Variants in CRHR2 observed in about 807,000 individuals in gnomAD.
CRHR2 encodes corticotropin releasing hormone receptor 2.
Under a neutral mutation model 57.9 loss-of-function variants are expected in CRHR2, and 53 were observed. That is an observed-to-expected ratio of 0.92 (90% CI 0.73 to 1.15). The LOEUF (loss-of-function observed/expected upper bound fraction) is 1.15, where lower values mean the gene tolerates loss of function less well. CRHR2 is among the 50% of genes most tolerant of loss of function. The pLI is 0.00. For synonymous variants in CRHR2, 213 were observed against 220.9 expected (o/e 0.96, Z 0.32); for missense variants, 532 against 542.6 (o/e 0.98, Z 0.19).
chr7:30,680,818 TTGTGTGTGTG>T lies in CRHR2; in HGVS notation c.229+1087_229+1096del, dbSNP rs60568949. 4.6e-4 allele frequency among the ~76,000 whole-genome samples: 67 copies of T among 145,462 alleles called. No homozygotes were observed. The East Asian group carries it at 7.7e-3, about 17-fold the overall frequency. On this transcript the variant is annotated intron_variant, in intron 2 of 11. Coordinates refer to ENST00000471646, the MANE Select transcript of CRHR2 (RefSeq NM_001883.5). The stretch of plus-strand genomic sequence containing the variant: ...GCCCTCAGCCTCAGCTTCTGAAAGC[TTGTGTGTGTG>T]TGTGTGTGTGTGTGTGTGTGTGTGT...
chr7:30,655,482 G>C, intron 10 of CRHR2, 98 bp downstream of exon 10: 1 of 1,413,170 alleles, frequency 7.1e-7, no homozygotes, highest in Non-Finnish European at 9.6e-7. Flanking sequence ...TGAGCCATGG[G>C]TGTGCCAGTC....
chr7:30,658,147 T>C (rs1783861329), intron 8 of CRHR2, among the ~76,000 whole-genome samples: 2 of 152,112 alleles, frequency 1.3e-5, no homozygotes, highest in Non-Finnish European at 2.9e-5. Context: ...CCACCACAGG[T>C]ACCTTCCTCT....
intron 1 of CRHR2, among the ~76,000 whole-genome samples, chr7:30,690,644 A>G (rs541690130): frequency 4.6e-5 from 7 of 152,084 alleles, no homozygotes; most frequent in Non-Finnish European, 1.0e-4. Flanking sequence ...CACGTTCTCC[A>G]CATTGGGCTC....
intron 8 of CRHR2, among the ~76,000 whole-genome samples, chr7:30,659,748 G>A (rs1310212894): frequency 6.6e-6 from 1 of 152,258 alleles, no homozygotes; most frequent in Non-Finnish European, 1.5e-5. Flanking sequence ...CTCCAAGGTA[G>A]ACAAAAGAAA....
chr7:30,657,244 G>A (rs1043875641), intron 8 of CRHR2, among the ~76,000 whole-genome samples: 7 of 152,308 alleles, frequency 4.6e-5, no homozygotes, highest in South Asian at 4.1e-4. Flanking sequence ...CTGTCAACCT[G>A]TAGCCTCTGG....
rs1176252761 is a variant in CRHR2, at chr7:30,653,268, A to G, written c.*192T>C. 2 of 715,204 alleles carry G rather than the reference A, an allele frequency of 2.8e-6. No homozygotes were observed. The highest frequency in any genetic ancestry group is 4.5e-6 in the Non-Finnish European group (2 of 441,400). The allele number at this position is 715,204 out of a possible 1,614,324, so 44.3% of individuals were successfully genotyped here. On this transcript the variant is annotated 3_prime_UTR_variant, in exon 12 of 12. Coordinates refer to ENST00000471646, the MANE Select transcript of CRHR2 (RefSeq NM_001883.5). This position sits in a 1 kb window ranked among gnomAD's most constrained non-coding sequence, Gnocchi z 5.0. The stretch of plus-strand genomic sequence containing the variant: ...ATTCCCTCTGCTTCCTCTTGCGCTG[A>G]GCCTGGTGGCCCCCACTCATCCCTG...
At chr7:30,662,259 G>A (rs2128141730) in intron 6 of CRHR2, 43 bp from the exon 7 acceptor site, 1 of 1,606,878 alleles carries the variant, frequency 6.2e-7, no homozygotes, top group East Asian at 2.2e-5. Context: ...CAGATGGACA[G>A]GGACTTTCTT....
chr7:30,662,789 C>G lies in CRHR2; in HGVS notation c.602G>C (p.Trp201Ser). The change falls in exon 6 of 12, where the codon TGG becomes TCG. Residue 201 changes from tryptophan (W) to serine (S), a missense_variant. Trp to Ser is a radical substitution (Grantham distance 177). Transcript: ENST00000471646. ...CAGGTAGCAGCCTTCCACAAACATC[C>G]AGAAGAAGTTGGTCACCACGAAGTA... ...FNYFVVTNFF[W>S]MFVEGCYLHT... The G allele has an allele frequency of 6.2e-7, 1 of 1,614,190 alleles. No individual in the cohort carries two copies. The highest frequency in any genetic ancestry group is 8.5e-7 in the Non-Finnish European group (1 of 1,180,034).
In CRHR2 at chr7:30,682,218, C is replaced by A; in HGVS notation, c.63G>T (p.Glu21Asp). The stretch of plus-strand genomic sequence containing the variant: ...GTGGCCCCCAGCCGTCCAAGAGCAG[C>A]TCTTCAGCCAGCGCCAGGCTGCAGT... ...EANCSLALAE[E>D]LLLDGWGPPL... Residue 21 changes from glutamate to aspartate, a missense_variant, in exon 1 of 12, where the codon GAG (glutamate) becomes GAT (aspartate). Physicochemically the swap from Glu to Asp is conservative, Grantham distance 45. Coordinates refer to ENST00000471646, the MANE Select transcript of CRHR2 (RefSeq NM_001883.5). 6.3e-7 allele frequency: 1 copy of A among 1,590,446 alleles called. No individual in the cohort carries two copies.
chr7:30,682,229 G>A lies in CRHR2; in HGVS notation c.52C>T (p.Leu18=). The A allele has an allele frequency of 1.9e-6, 3 of 1,590,208 alleles. No individual in the cohort carries two copies. Among genetic ancestry groups the A allele is most frequent in the Non-Finnish European group, 1.7e-6 (2 of 1,175,782 alleles). Residue 18 remains leucine (L), a synonymous_variant, in exon 1 of 12, where the codon CTG becomes TTG. Coordinates refer to ENST00000471646, the MANE Select transcript of CRHR2 (RefSeq NM_001883.5). The part of the protein sequence containing the change: ...SLLEANCSLA[L]AEELLLDGWG... ...CCGTCCAAGAGCAGCTCTTCAGCCAGCGCCAGGCTGCAGTTGGCCTCCAGC... is the reference window on the plus strand; with the variant it reads ...CCGTCCAAGAGCAGCTCTTCAGCCAACGCCAGGCTGCAGTTGGCCTCCAGC...
chr7:30,661,069 C>G (rs1562795523), intron 7 of CRHR2, among the ~76,000 whole-genome samples: 1 of 152,220 alleles, frequency 6.6e-6, no homozygotes, highest in Non-Finnish European at 1.5e-5. Flanking sequence ...CACTCGGCCA[C>G]ACAAAGCAGC....
chr7:30,689,930 G>T (rs772408804), intron 1 of CRHR2, among the ~76,000 whole-genome samples: 4 of 152,198 alleles, frequency 2.6e-5, no homozygotes, highest in Non-Finnish European at 5.9e-5. Flanking sequence ...CCAGAAAGAT[G>T]AGTAGGGACA....
chr7:30,689,350 C>T, intron 1 of CRHR2: 5 of 1,303,272 alleles, frequency 3.8e-6, no homozygotes, highest in South Asian at 1.3e-5. Context: ...TGCCTGTCTG[C>T]CCCCATCCTA....
At chr7:30,657,679 A>G (rs1783839293) in intron 8 of CRHR2, among the ~76,000 whole-genome samples, 1 of 152,082 alleles carries the variant, frequency 6.6e-6, no homozygotes, top group Non-Finnish European at 1.5e-5. Context: ...TAATCAATTC[A>G]ATTATCCACC....
At chr7:30,664,607 C>T (rs962941675) in intron 5 of CRHR2, among the ~76,000 whole-genome samples, 1 of 152,084 alleles carries the variant, frequency 6.6e-6, no homozygotes, top group Non-Finnish European at 1.5e-5. Context: ...AGCTCCCAGC[C>T]TGGCAGCTTC....
At chr7:30,657,888 G>C (rs187503841) in intron 8 of CRHR2, among the ~76,000 whole-genome samples, 5 of 151,450 alleles carry the variant, frequency 3.3e-5, no homozygotes, top group Admixed American at 2.0e-4. Context: ...ATCCATCCAC[G>C]TACCCATCCA....
intron 1 of CRHR2, among the ~76,000 whole-genome samples, chr7:30,699,376 C>A (rs1785121885): frequency 6.6e-6 from 1 of 152,296 alleles, no homozygotes; most frequent in South Asian, 2.1e-4. Context: ...GTCCCCATCG[C>A]TCATCTGGTA....
At chr7:30,658,665 G>A (rs540253677) in intron 8 of CRHR2, among the ~76,000 whole-genome samples, 1 of 152,312 alleles carries the variant, frequency 6.6e-6, no homozygotes, top group African/African-American at 2.4e-5. Flanking sequence ...CCCCCGAGGG[G>A]CCTAACCACA....
At chr7:30,698,433 C>A (rs934226624) in intron 1 of CRHR2, among the ~76,000 whole-genome samples, 5 of 152,166 alleles carry the variant, frequency 3.3e-5, no homozygotes, top group East Asian at 3.9e-4. Context: ...GAGGGGCAAC[C>A]CTTGCCCCAA....
Sources: gnomAD v4.1 joint callset for allele counts (sites outside exome capture counted in the v4.1 genomes callset) on GRCh38, gnomAD v4.1.1 for gene constraint, Gnocchi (gnomAD v3.1) non-coding constraint, MANE v1.5 for transcripts, NCBI Gene and HGNC (gene_info 2026-07-23, HGNC 2026-07-21) for gene names.